The following MARVELD2 variants were observed in gnomAD, a reference collection of about 807,000 sequenced individuals.
MARVELD2 encodes the protein MARVEL domain containing 2.
In MARVELD2, 49 loss-of-function variants were observed where a neutral mutation model predicts 57.6. The observed-to-expected ratio is 0.85, with a 90% CI of 0.68 to 1.08. MARVELD2 has a LOEUF of 1.08. MARVELD2 is among the 50% of genes least tolerant of loss of function. The pLI, the probability that MARVELD2 is intolerant of heterozygous loss-of-function variation, is 0.00. For synonymous variants in MARVELD2, 238 were observed against 258.8 expected, an observed-to-expected ratio of 0.92 and a Z score of 0.77; for missense variants, 606 against 701.1, an observed-to-expected ratio of 0.86 and a Z score of 1.53.
intron 3 of MARVELD2, among the ~76,000 whole-genome samples, chr5:69,427,211 C>CT (rs1177372725): frequency 6.6e-6 from 1 of 152,062 alleles, no homozygotes; most frequent in Non-Finnish European, 1.5e-5. Flanking sequence ...GAAGTCTGTG[C>CT]TTTAAGTGCT....
Position 69,441,929 on chromosome 5 carries a change from G to T in MARVELD2, c.*275G>T, listed in dbSNP as rs1480176733. On this transcript the variant is annotated 3_prime_UTR_variant, in exon 7 of 7. Transcript: ENST00000325631. The stretch of plus-strand genomic sequence containing the variant: ...GGGAAACTACTTTTTTTAAAAAATA[G>T]CAAGTTTACTATTTATTTACTGCCT... 8.2e-6 allele frequency: 2 copies of T among 245,294 alleles called. No homozygotes were observed. Among genetic ancestry groups the T allele is most frequent in the Non-Finnish European group, 1.6e-5 (2 of 125,198 alleles). The allele number at this position is 245,294 out of a possible 1,614,324, so 15.2% of individuals were successfully genotyped here.
At chr5:69,441,433 T>C (rs1767322046) in intron 6 of MARVELD2, 99 bp from the exon 7 acceptor site, 1 of 1,398,954 alleles carries the variant, frequency 7.1e-7, no homozygotes, top group Non-Finnish European at 9.9e-7. Context: ...CTGTAGAGAC[T>C]TTTGCTATGT....
chr5:69,430,526 T>TTTTA (rs887401074), intron 3 of MARVELD2, among the ~76,000 whole-genome samples: 26 of 151,282 alleles, frequency 1.7e-4, no homozygotes, highest in South Asian at 4.2e-4. Flanking sequence ...TAGTTCTGGG[T>TTTTA]TTTATTTATT....
In MARVELD2 at chr5:69,441,755, T is replaced by C; in HGVS notation, c.*101T>C. 1 of 811,974 alleles carries C rather than the reference T, an allele frequency of 1.2e-6. No individual in the cohort carries two copies. Among genetic ancestry groups the C allele is most frequent in the Non-Finnish European group, 2.0e-6 (1 of 509,824 alleles). The allele number at this position is 811,974 out of a possible 1,614,324, so 50.3% of individuals were successfully genotyped here. The stretch of plus-strand genomic sequence containing the variant: ...TGGAATGCAGTGGCACAATCTCGGC[T>C]CACTGCAACCTCCACCTCCCGGGTT... On this transcript the variant is annotated 3_prime_UTR_variant, in exon 7 of 7. Transcript: ENST00000325631.
rs753107989 is a variant in MARVELD2 at position 69,440,488 on chromosome 5, GA to G, written c.1550del (p.Lys517ArgfsTer16). 38 of 1,428,774 alleles carry G rather than the reference GA, an allele frequency of 2.7e-5. No individual in the cohort carries two copies. Among genetic ancestry groups the G allele is most frequent in the East Asian group, 6.9e-5 (3 of 43,526 alleles). 88.5% of individuals were successfully genotyped at this position (1,428,774 alleles called of 1,614,324 possible). On this transcript the variant is annotated frameshift_variant, in exon 6 of 7. Transcript: ENST00000325631. LOFTEE classifies it high-confidence loss of function. ...RISRIHEEFK[K>X]KKNDPTFLEK... ...TTTCAAGAATCCATGAAGAGTTTAA[GA>G]AAAAAAAGAATGTGAGTAAAACAGT...
chr5:69,431,296 G>A (rs1319088121), intron 3 of MARVELD2, among the ~76,000 whole-genome samples: 1 of 151,630 alleles, frequency 6.6e-6, no homozygotes, highest in Non-Finnish European at 1.5e-5. Flanking sequence ...TATATTTTTA[G>A]TAGAGACAGG....
At chr5:69,435,023 T>G (rs937494371) in intron 5 of MARVELD2, among the ~76,000 whole-genome samples, 1 of 128,062 alleles carries the variant, frequency 7.8e-6, no homozygotes, top group African/African-American at 2.8e-5. Context: ...AGATGTACTC[T>G]TTTTTTTTTT....
chr5:69,430,839 C>G (rs1255987168), intron 3 of MARVELD2, among the ~76,000 whole-genome samples: 1 of 151,740 alleles, frequency 6.6e-6, no homozygotes, highest in Non-Finnish European at 1.5e-5. Flanking sequence ...TGGCCCAGTT[C>G]TGGGTTTTAA....
At position 69,419,491 on chromosome 5, in the gene MARVELD2, G is replaced by C; in HGVS notation, c.106G>C (p.Asp36His). ...TTIRTHPTLH[D>H]SERAVSADPL... is the part of the protein sequence containing the mutation. ...CATAAGAACCCACCCAACTCTTCAT[G>C]ACAGTGAGCGGGCAGTGAGCGCTGA... is the stretch of plus-strand genomic sequence containing the variant. Residue 36 changes from aspartate to histidine, a missense_variant, in exon 2 of 7, where the codon GAC (aspartate) becomes CAC (histidine). Asp to His is a moderately conservative substitution (Grantham distance 81). Transcript: ENST00000325631. 11 of 1,614,152 alleles carry C rather than the reference G, an allele frequency of 6.8e-6. No individual in the cohort carries two copies. The highest frequency in any genetic ancestry group is 9.3e-6 in the Non-Finnish European group (11 of 1,180,024).
At chr5:69,439,062 C>CAAA (rs11315832) in intron 5 of MARVELD2, among the ~76,000 whole-genome samples, 17 of 89,118 alleles carry the variant, frequency 1.9e-4, no homozygotes, top group Non-Finnish European at 2.5e-4. Flanking sequence ...GACCCTGTCT[C>CAAA]AAAAAAAAAA....
intron 5 of MARVELD2, among the ~76,000 whole-genome samples, chr5:69,439,693 G>C (rs1179899108): frequency 6.6e-6 from 1 of 151,944 alleles, no homozygotes; most frequent in Non-Finnish European, 1.5e-5. Context: ...GGTGGGAGTT[G>C]CAGTGAGCTG....
At chr5:69,424,886 G>A (rs746708612) in intron 3 of MARVELD2, among the ~76,000 whole-genome samples, 10 of 152,014 alleles carry the variant, frequency 6.6e-5, no homozygotes, top group African/African-American at 1.4e-4. Flanking sequence ...TTACCTGCAC[G>A]TGGTGGCACA....
In MARVELD2 at chr5:69,440,908, C is replaced by A. The variant is rs775142261; in HGVS notation, c.1554+408C>A. On this transcript the variant is annotated intron_variant, in intron 6 of 6. Coordinates refer to ENST00000325631, the MANE Select transcript of MARVELD2 (RefSeq NM_001038603.3). ...GACCAGCCTGGGCAACATGGCGAAACCTTGTCTCTACAAAAAAATACAAGC... is the reference window on the plus strand; with the variant it reads ...GACCAGCCTGGGCAACATGGCGAAAACTTGTCTCTACAAAAAAATACAAGC... 6.5e-4 allele frequency among the ~76,000 whole-genome samples: 99 copies of A among 152,222 alleles called. 1 individual carries two copies. Among genetic ancestry groups the A allele is most frequent in the Admixed American group, 1.4e-3 (21 of 15,284 alleles).
chr5:69,424,683 T>G (rs1235516961), intron 3 of MARVELD2, 47 bp downstream of exon 3: 5 of 1,436,960 alleles, frequency 3.5e-6, no homozygotes, highest in Non-Finnish European at 4.9e-6. Flanking sequence ...TTGTTAATAC[T>G]TTTCTCTTAG....
chr5:69,431,695 T>C (rs1766968003), intron 3 of MARVELD2, among the ~76,000 whole-genome samples: 1 of 152,156 alleles, frequency 6.6e-6, no homozygotes, highest in Non-Finnish European at 1.5e-5. Context: ...ATATCCCAAA[T>C]GTGATTCCCT....
Position 69,433,238 on chromosome 5 carries a change from C to T in MARVELD2, c.1503+145C>T, listed in dbSNP as rs551605985. ...AGTGCAGTGGCACAATCTTGGCTTG[C>T]TGCAACCTCCACCTCCTGGGTTCAA... is the stretch of plus-strand genomic sequence containing the variant. On this transcript the variant is annotated intron_variant, in intron 5 of 6. Transcript: ENST00000325631. The T allele has an allele frequency of 7.9e-5, 63 of 799,376 alleles. 2 individuals carry two copies. In the South Asian group the frequency reaches 1.0e-3, roughly 13 times the overall value. The allele number at this position is 799,376 out of a possible 1,614,324, so 49.5% of individuals were successfully genotyped here.
At position 69,437,636 on chromosome 5, in the gene MARVELD2, A is replaced by G. The variant is rs377042451; in HGVS notation, c.1504-2814A>G. Among the ~76,000 whole-genome samples, 7 of 151,512 alleles carry G rather than the reference A, an allele frequency of 4.6e-5. No homozygotes were observed. In the South Asian group the frequency reaches 1.5e-3, roughly 32 times the overall value. ...GAGGCGGAGGTTGCAGTGAGACGAG[A>G]TTGTGCCATTGCACTCCAGCCTGGG... On this transcript the variant is annotated intron_variant, in intron 5 of 6. Transcript: ENST00000325631.
chr5:69,431,756 T>G (rs1259368488), intron 3 of MARVELD2, among the ~76,000 whole-genome samples: 1 of 152,042 alleles, frequency 6.6e-6, no homozygotes, highest in African/African-American at 2.4e-5. Context: ...AAACATATAA[T>G]TGTGATGTGA....
chr5:69,439,078 AAAAG>A (rs1350435022), intron 5 of MARVELD2, among the ~76,000 whole-genome samples: 17 of 151,036 alleles, frequency 1.1e-4, no homozygotes, highest in Admixed American at 4.0e-4. Flanking sequence ...AAAAAAAAAA[AAAAG>A]AAGAAGAAAA....
Sources: allele counts gnomAD v4.1 joint callset (sites outside exome capture counted in the v4.1 genomes callset), GRCh38; gene constraint gnomAD v4.1.1; transcripts MANE v1.5; gene names NCBI Gene and HGNC (gene_info 2026-07-23, HGNC 2026-07-21).